Variants in ERBB4 observed in about 807,000 individuals in gnomAD.
The protein encoded by ERBB4 is receptor tyrosine-protein kinase erbB-4.
A neutral mutation model predicts 158.0 loss-of-function variants in ERBB4; 42 were observed. The observed-to-expected ratio is 0.27, with a 90% CI of 0.21 to 0.34. The LOEUF (loss-of-function observed/expected upper bound fraction) is 0.34. Ranked by LOEUF, ERBB4 falls within the 10% of genes least tolerant of loss-of-function variation. ERBB4 has a pLI of 1.00. For missense variants in ERBB4, 1,333 were observed against 1,624.1 expected (o/e 0.82, Z 3.08); for synonymous variants, 583 against 558.7 (o/e 1.04, Z -0.61).
rs1693251628 is a variant in ERBB4, at chr2:212,538,654, G to T, written c.-124C>A. 3.0e-6 allele frequency: 3 copies of T among 991,494 alleles called. No individual in the cohort carries two copies. Among genetic ancestry groups the T allele is most frequent in the Non-Finnish European group, 1.5e-6 (1 of 651,908 alleles). The allele number at this position is 991,494 out of a possible 1,614,324, so 61.4% of individuals were successfully genotyped here. ...GGGGTGCGAGGGGGGCGGGCGCGGC[G>T]CGCGCGGTGTGGCGACTCCCAGGGC... On this transcript the variant is annotated 5_prime_UTR_variant, in exon 1 of 28. Coordinates refer to ENST00000342788, the MANE Select transcript of ERBB4 (RefSeq NM_005235.3).
chr2:211,744,305 G>C (rs1047208304), intron 5 of ERBB4, among the ~76,000 whole-genome samples: 2 of 152,058 alleles, frequency 1.3e-5, no homozygotes, highest in Admixed American at 1.3e-4. Flanking sequence ...TACTGAAAAT[G>C]TACTAACTTT....
intron 2 of ERBB4, among the ~76,000 whole-genome samples, chr2:212,054,497 T>C (rs184039802): frequency 6.6e-6 from 1 of 151,894 alleles, no homozygotes; most frequent in Admixed American, 6.6e-5. Context: ...ACCTGGGGAG[T>C]AGAAAAGAGT....
At chr2:212,191,777 C>T (rs1197859845) in intron 1 of ERBB4, among the ~76,000 whole-genome samples, 2 of 127,694 alleles carry the variant, frequency 1.6e-5, no homozygotes, top group Non-Finnish European at 3.2e-5. Flanking sequence ...ATATATAACA[C>T]GTGTGTTATA....
chr2:212,255,649 G>A (rs879747616), intron 1 of ERBB4, among the ~76,000 whole-genome samples: 4 of 152,052 alleles, frequency 2.6e-5, no homozygotes, highest in Non-Finnish European at 4.4e-5. Flanking sequence ...TACTGGTAGA[G>A]CATCCCTAAG....
intron 12 of ERBB4, among the ~76,000 whole-genome samples, chr2:211,691,568 ATGTGTGTGTGTG>A (rs61091828): frequency 7.2e-6 from 1 of 139,052 alleles, no homozygotes; most frequent in Admixed American, 7.3e-5. Flanking sequence ...ATAGAAACAT[ATGTGTGTGTGTG>A]TGTGTGTGTG....
At chr2:211,585,366 A>G (rs1161851738) in intron 19 of ERBB4, among the ~76,000 whole-genome samples, 3 of 150,444 alleles carry the variant, frequency 2.0e-5, no homozygotes, top group Non-Finnish European at 4.4e-5. Flanking sequence ...AAAAAAAAAA[A>G]GACTTCCTTA....
rs72054973 is a variant in ERBB4 at position 212,159,264 on chromosome 2, GTTTT to G, written c.83-34365_83-34362del. 6.7e-3 allele frequency among the ~76,000 whole-genome samples: 952 copies of G among 141,278 alleles called. 7 individuals are homozygous for G. Among genetic ancestry groups the G allele is most frequent in the Middle Eastern group, 0.022 (6 of 270 alleles). 92.7% of individuals were successfully genotyped at this position (141,278 alleles called of 152,430 possible). ...GTAGTAAACCGTGGTGTGTGTTTTT[GTTTT>G]TTTTTTTTTTTTGGATAGAAACAGA... is the stretch of plus-strand genomic sequence containing the variant. On this transcript the variant is annotated intron_variant, in intron 1 of 27. Transcript: ENST00000342788.
intron 1 of ERBB4, among the ~76,000 whole-genome samples, chr2:212,245,553 C>T (rs1376130338): frequency 6.6e-6 from 1 of 152,114 alleles, no homozygotes; most frequent in Non-Finnish European, 1.5e-5. Context: ...TTCTTGCCAA[C>T]ACTGGGATGA....
intron 1 of ERBB4, among the ~76,000 whole-genome samples, chr2:212,181,291 A>G (rs1029464390): frequency 6.6e-6 from 1 of 151,670 alleles, no homozygotes; most frequent in Non-Finnish European, 1.5e-5. Context: ...TAGCCATCAC[A>G]GAGATTTTTT....
chr2:211,913,639 GTGTGTGTGTGTGTGTGTGTA>G (rs1450113665), intron 3 of ERBB4, among the ~76,000 whole-genome samples: 4 of 137,884 alleles, frequency 2.9e-5, no homozygotes, highest in South Asian at 2.3e-4. Context: ...GTGTGTGTGT[GTGTGTGTGTGTGTGTGTGTA>G]TGTGTGTATG....
intron 2 of ERBB4, among the ~76,000 whole-genome samples, chr2:211,994,906 G>A (rs1003664045): frequency 9.2e-5 from 14 of 152,268 alleles, no homozygotes; most frequent in Admixed American, 7.8e-4. Context: ...ACAAGAACCT[G>A]AACATCTAAA....
At chr2:212,389,041 T>C (rs1006076681) in intron 1 of ERBB4, among the ~76,000 whole-genome samples, 2 of 152,096 alleles carry the variant, frequency 1.3e-5, no homozygotes, top group African/African-American at 4.8e-5. Context: ...GGTGAAAAAG[T>C]GTATAGACTA....
intron 1 of ERBB4, among the ~76,000 whole-genome samples, chr2:212,237,854 T>C (rs905210916): frequency 6.6e-6 from 1 of 152,176 alleles, no homozygotes; most frequent in South Asian, 2.1e-4. Flanking sequence ...AGTTCGAACT[T>C]CCAAGTGGCT....
At chr2:211,829,139 C>T (rs12616558) in intron 3 of ERBB4, among the ~76,000 whole-genome samples, 35,261 of 151,960 alleles carry the variant, frequency 0.23, 4,223 homozygotes, top group South Asian at 0.33. Context: ...TTAAAGCACA[C>T]ACAAAAAGCT....
At chr2:212,269,864 C>T (rs2085280855) in intron 1 of ERBB4, among the ~76,000 whole-genome samples, 1 of 151,782 alleles carries the variant, frequency 6.6e-6, no homozygotes, top group South Asian at 2.1e-4. Flanking sequence ...CTCCTTTATT[C>T]TCTGTCCATA....
At chr2:211,715,955 T>C (rs60222916) in intron 7 of ERBB4, among the ~76,000 whole-genome samples, 2,142 of 152,270 alleles carry the variant, frequency 0.014, 51 homozygotes, top group African/African-American at 0.049. Context: ...ATATTATAAT[T>C]AGTCTTATAT....
intron 2 of ERBB4, among the ~76,000 whole-genome samples, chr2:212,051,343 G>A (rs17343829): frequency 0.08 from 12,161 of 152,110 alleles, 695 homozygotes; most frequent in Non-Finnish European, 0.12. Context: ...GATAGCTTTA[G>A]ATGTGGGGAT....
chr2:211,809,432 C>T (rs576020157), intron 3 of ERBB4, among the ~76,000 whole-genome samples: 1 of 152,194 alleles, frequency 6.6e-6, no homozygotes, highest in South Asian at 2.1e-4. Flanking sequence ...GTGTATGTGT[C>T]CAGGAATTTA....
intron 19 of ERBB4, among the ~76,000 whole-genome samples, chr2:211,599,513 C>CTGTGTGTGTGTGTGTGCGTGTGTG (rs2068735469): frequency 7.1e-6 from 1 of 140,804 alleles, no homozygotes; most frequent in East Asian, 2.1e-4. Flanking sequence ...ATAATTTCTT[C>CTGTGTGTGTGTGTGTGCGTGTGTG]TGTGTGTGTG....
Sources: gnomAD v4.1 joint callset for allele counts (sites outside exome capture counted in the v4.1 genomes callset) on GRCh38, gnomAD v4.1.1 for gene constraint, MANE v1.5 for transcripts, NCBI Gene and HGNC (gene_info 2026-07-23, HGNC 2026-07-21) for gene names.